TRPS1: variants seen among roughly 807,000 people sequenced by gnomAD.
The protein encoded by TRPS1 is transcriptional repressor GATA binding 1, also known as zinc finger transcription factor Trps1.
In TRPS1, 6 loss-of-function variants were observed where a neutral mutation model predicts 101.2. The ratio of observed to expected loss-of-function variants is 0.06; its 90% CI spans 0.03 to 0.12. The LOEUF (loss-of-function observed/expected upper bound fraction) is 0.12. TRPS1 is among the 10% of genes least tolerant of loss of function. TRPS1 has a pLI of 1.00. For missense variants in TRPS1, 1,363 were observed against 1,567.0 expected (o/e 0.87, Z 2.20); for synonymous variants, 578 against 589.8 (o/e 0.98, Z 0.29).
chr8:115,498,415 C>CTATATATATATA (rs67505193), intron 5 of TRPS1, among the ~76,000 whole-genome samples: 7 of 39,312 alleles, frequency 1.8e-4, no homozygotes, highest in Non-Finnish European at 2.2e-4. Context: ...CTCTCTCTCT[C>CTATATATATATA]TATATATATA....
At chr8:115,654,358 G>T (rs1446385836) in intron 1 of TRPS1, among the ~76,000 whole-genome samples, 1 of 152,082 alleles carries the variant, frequency 6.6e-6, no homozygotes, top group Non-Finnish European at 1.5e-5. Flanking sequence ...AATAAATGAG[G>T]TTCTTTTATT....
chr8:115,613,420 TGCATCA>T (rs770485740), intron 3 of TRPS1, among the ~76,000 whole-genome samples: 2 of 152,234 alleles, frequency 1.3e-5, no homozygotes, highest in African/African-American at 2.4e-5. Context: ...TCAGAGAGAC[TGCATCA>T]AAGAGCTCTG....
At chr8:115,608,152 GACTAT>G (rs1269515766) in intron 3 of TRPS1, among the ~76,000 whole-genome samples, 1 of 152,104 alleles carries the variant, frequency 6.6e-6, no homozygotes, top group African/African-American at 2.4e-5. Context: ...TCTTAGCTGT[GACTAT>G]ACTAAAAAGA....
chr8:115,667,738 A>T, intron 1 of TRPS1: 1 of 1,221,210 alleles, frequency 8.2e-7, no homozygotes, highest in Non-Finnish European at 1.1e-6. Flanking sequence ...TGGGCCTTTA[A>T]GGGAAAAAAG....
chr8:115,486,439 G>A (rs1304570975), intron 5 of TRPS1, among the ~76,000 whole-genome samples: 1 of 152,162 alleles, frequency 6.6e-6, no homozygotes, highest in Non-Finnish European at 1.5e-5. Context: ...GAAAGGAAGA[G>A]CTGTCTCACT....
At chr8:115,602,634 TG>T (rs1817934747) in intron 4 of TRPS1, among the ~76,000 whole-genome samples, 1 of 152,182 alleles carries the variant, frequency 6.6e-6, no homozygotes, top group Admixed American at 6.5e-5. Context: ...TACTGGTGAC[TG>T]AAAAAACATA....
intron 1 of TRPS1, chr8:115,637,400 G>T: frequency 1.4e-6 from 1 of 739,234 alleles, no homozygotes; most frequent in Non-Finnish European, 1.7e-6. Flanking sequence ...GGGAAAGGTA[G>T]AAAATGAAGA....
chr8:115,570,705 ACACACACACACACACT>A (rs1817183144), intron 5 of TRPS1, among the ~76,000 whole-genome samples: 1 of 105,766 alleles, frequency 9.5e-6, no homozygotes, highest in Non-Finnish European at 1.9e-5. Flanking sequence ...ACACACACAC[ACACACACACACACACT>A]CACACTTCAA....
chr8:115,439,414 T>C (rs2129871040), intron 5 of TRPS1, among the ~76,000 whole-genome samples: 1 of 152,312 alleles, frequency 6.6e-6, no homozygotes, highest in African/African-American at 2.4e-5. Context: ...AGTCATTAGT[T>C]TTTCAACCAG....
chr8:115,561,994 T>C (rs1409391144), intron 5 of TRPS1, among the ~76,000 whole-genome samples: 2 of 151,856 alleles, frequency 1.3e-5, no homozygotes, highest in Admixed American at 1.3e-4. Flanking sequence ...GAACGAAGAA[T>C]TACGTTTTCC....
chr8:115,589,695 A>T (rs1031192666), intron 4 of TRPS1, among the ~76,000 whole-genome samples: 3 of 152,342 alleles, frequency 2.0e-5, no homozygotes, highest in Admixed American at 6.5e-5. Flanking sequence ...CAAGAGGAAT[A>T]ATCTTGCCAC....
intron 5 of TRPS1, among the ~76,000 whole-genome samples, chr8:115,505,273 G>C (rs1815414127): frequency 6.6e-6 from 1 of 152,096 alleles, no homozygotes; most frequent in South Asian, 2.1e-4. Context: ...GTTAAGTATT[G>C]TCTCTGTTAA....
At chr8:115,558,068 G>A (rs1462925222) in intron 5 of TRPS1, among the ~76,000 whole-genome samples, 1 of 149,318 alleles carries the variant, frequency 6.7e-6, no homozygotes, top group Non-Finnish European at 1.5e-5. Context: ...ACAGTTCTAA[G>A]CTCAATTCAC....
intron 4 of TRPS1, among the ~76,000 whole-genome samples, chr8:115,593,048 G>A (rs1817712673): frequency 1.3e-5 from 2 of 151,866 alleles, no homozygotes; most frequent in African/African-American, 4.8e-5. Context: ...GAACTCCTGG[G>A]CTCAAGGGAT....
chr8:115,533,460 C>CTTTTT (rs1816200851), intron 5 of TRPS1, among the ~76,000 whole-genome samples: 1 of 95,998 alleles, frequency 1.0e-5, no homozygotes, highest in Non-Finnish European at 1.8e-5. Context: ...TTTTTTTTTT[C>CTTTTT]CTGAAAAAAA....
intron 5 of TRPS1, among the ~76,000 whole-genome samples, chr8:115,470,188 A>G (rs183117633): frequency 3.3e-5 from 5 of 152,318 alleles, no homozygotes; most frequent in Admixed American, 2.0e-4. Flanking sequence ...CTCAGGGTAG[A>G]ACATTCTATG....
In TRPS1 at chr8:115,654,721, G is replaced by T. The variant is rs1811641545; in HGVS notation, c.-122+13824C>A. On this transcript the variant is annotated intron_variant, in intron 1 of 6. Coordinates refer to ENST00000395715, the MANE Select transcript of TRPS1 (RefSeq NM_014112.5). ...AGTACCAATTAGATTTTATCTAAAT[G>T]AATCCAACATTACTATTGCTAAGGT... 2.6e-5 allele frequency among the ~76,000 whole-genome samples: 4 copies of T among 152,192 alleles called. No homozygotes were observed. In the South Asian group the frequency reaches 8.3e-4, roughly 32 times the overall value.
intron 5 of TRPS1, among the ~76,000 whole-genome samples, chr8:115,428,673 C>T (rs1334848396): frequency 1.3e-5 from 2 of 152,026 alleles, no homozygotes; most frequent in South Asian, 2.1e-4. Flanking sequence ...CAGACTATCT[C>T]GGGAATACCT....
intron 5 of TRPS1, among the ~76,000 whole-genome samples, chr8:115,487,398 C>A (rs1237569292): frequency 2.1e-5 from 1 of 47,828 alleles, no homozygotes; most frequent in African/African-American, 1.2e-4. Flanking sequence ...AGCCTGTGGA[C>A]CCCAGGAGTA....
Sources: allele counts gnomAD v4.1 joint callset (sites outside exome capture counted in the v4.1 genomes callset), GRCh38; gene constraint gnomAD v4.1.1; transcripts MANE v1.5; gene names NCBI Gene and HGNC (gene_info 2026-07-23, HGNC 2026-07-21).